Variants in GPATCH2L observed in about 807,000 individuals in gnomAD.
GPATCH2L encodes G patch domain-containing protein 2-like.
In GPATCH2L, 31 loss-of-function variants were observed where a neutral mutation model predicts 57.4. The observed-to-expected ratio is 0.54, with a 90% CI of 0.41 to 0.73. The LOEUF (loss-of-function observed/expected upper bound fraction) is 0.73. Ranked by LOEUF, GPATCH2L falls within the 30% of genes least tolerant of loss-of-function variation. The pLI is 0.00. For synonymous variants in GPATCH2L, 199 were observed against 210.7 expected, an observed-to-expected ratio of 0.94 and a Z score of 0.48; for missense variants, 481 against 599.9, an observed-to-expected ratio of 0.80 and a Z score of 2.07.
intron 2 of GPATCH2L, among the ~76,000 whole-genome samples, chr14:76,156,405 CT>C (rs2038308696): frequency 6.6e-6 from 1 of 152,136 alleles, no homozygotes; most frequent in Non-Finnish European, 1.5e-5. Flanking sequence ...TTCTTATTAA[CT>C]TTATATTTGC....
At chr14:76,195,767 C>G (rs924922161) in intron 8 of GPATCH2L, 111 bp from the exon 9 acceptor site, 1 of 761,322 alleles carries the variant, frequency 1.3e-6, no homozygotes, top group Non-Finnish European at 2.3e-6. Context: ...AAAGATGGTG[C>G]CCATTTTGTT....
chr14:76,157,367 G>A (rs2038358348), intron 2 of GPATCH2L, among the ~76,000 whole-genome samples: 1 of 152,190 alleles, frequency 6.6e-6, no homozygotes. Flanking sequence ...AAAAGGGCTG[G>A]CATTAGAGTG....
intron 1 of GPATCH2L, among the ~76,000 whole-genome samples, chr14:76,220,677 T>C (rs918788640): frequency 2.0e-5 from 3 of 152,172 alleles, no homozygotes; most frequent in Non-Finnish European, 2.9e-5. Context: ...CCAGAATTTA[T>C]CATATGCTGG....
intron 2 of GPATCH2L, among the ~76,000 whole-genome samples, chr14:76,159,559 A>G (rs1262080620): frequency 6.6e-6 from 1 of 151,962 alleles, no homozygotes; most frequent in African/African-American, 2.4e-5. Flanking sequence ...GCTATGCTGG[A>G]CTGAGATAGG....
At chr14:76,226,083 A>G (rs1231105943) in intron 1 of GPATCH2L, among the ~76,000 whole-genome samples, 1 of 152,218 alleles carries the variant, frequency 6.6e-6, no homozygotes, top group Admixed American at 6.5e-5. Flanking sequence ...CACAAACCCA[A>G]TCTACCAGAA....
At chr14:76,178,100 A>G (rs2039412717) in intron 7 of GPATCH2L, 58 bp downstream of exon 7, 1 of 1,387,724 alleles carries the variant, frequency 7.2e-7, no homozygotes, top group African/African-American at 1.4e-5. Context: ...TTCTAAGAGT[A>G]TCCAACACTT....
At chr14:76,152,696 T>C (rs1207881712) in intron 1 of GPATCH2L, 1 of 456,114 alleles carries the variant, frequency 2.2e-6, no homozygotes, top group South Asian at 1.5e-5. Flanking sequence ...CAGGAAAGGA[T>C]TCTGCACAGG....
chr14:76,180,927 A>G lies in GPATCH2L; in HGVS notation c.1193+78A>G, dbSNP rs759537504. On this transcript the variant is annotated intron_variant, in intron 8 of 9. Transcript: ENST00000261530. The stretch of plus-strand genomic sequence containing the variant: ...TCTATTACCCCTCAAATTATAGAGT[A>G]TGCTTGTGTACAGTATCCAATTTGA... The G allele has an allele frequency of 2.2e-4, 196 of 875,328 alleles. 1 individual carries two copies. Among genetic ancestry groups the G allele is most frequent in the Non-Finnish European group, 5.3e-5 (27 of 512,798 alleles). The allele number at this position is 875,328 out of a possible 1,614,324, so 54.2% of individuals were successfully genotyped here. A position where few individuals can be genotyped will look rare whatever the true frequency, so the allele number is the denominator to read the frequency against.
chr14:76,176,551 A>G lies in GPATCH2L; in HGVS notation c.985-72A>G, dbSNP rs544961187. The G allele has an allele frequency of 3.6e-5, 39 of 1,070,376 alleles. No homozygotes were observed. The Admixed American group carries it at 5.3e-4, about 15-fold the overall frequency. 66.3% of individuals were successfully genotyped at this position (1,070,376 alleles called of 1,614,324 possible). A position where few individuals can be genotyped will look rare whatever the true frequency, so the allele number is the denominator to read the frequency against. ...TTGCCTTAGCTGGCACAGTTATGGG[A>G]AAGATTGATATTGTACTTTATATGT... On this transcript the variant is annotated intron_variant, in intron 5 of 9. Transcript: ENST00000261530.
chr14:76,179,070 T>TG (rs1231187040), intron 7 of GPATCH2L: 1 of 151,698 alleles, frequency 6.6e-6, no homozygotes, highest in African/African-American at 2.4e-5. Context: ...TTTGTTTTTT[T>TG]TTTTTAACAA....
rs906879793 is a variant in GPATCH2L at position 76,153,719 on chromosome 14, T to C, written c.-10-635T>C. On this transcript the variant is annotated intron_variant, in intron 1 of 9. Coordinates refer to ENST00000261530, the MANE Select transcript of GPATCH2L (RefSeq NM_017926.4). ...CAGAATGGGCGCAAACTTAGTCTCT[T>C]CTCCATTCTGACTTCAAACCTGGGT... 36 of 152,272 alleles carry C rather than the reference T, an allele frequency of 2.4e-4. 1 individual carries two copies. Among genetic ancestry groups the C allele is most frequent in the African/African-American group, 7.7e-4 (32 of 41,460 alleles). 9.4% of individuals were successfully genotyped at this position (152,272 alleles called of 1,614,324 possible). A position where few individuals can be genotyped will look rare whatever the true frequency, so the allele number is the denominator to read the frequency against.
intron 2 of GPATCH2L, among the ~76,000 whole-genome samples, chr14:76,232,015 AATCTTC>A (rs2040573082): frequency 4.8e-4 from 1 of 2,078 alleles, no homozygotes; most frequent in Non-Finnish European, 1.1e-3. Flanking sequence ...AGGCTCAAGC[AATCTTC>A]CTGCTTCAGC....
intron 2 of GPATCH2L, among the ~76,000 whole-genome samples, chr14:76,235,168 CAA>C (rs34157061): frequency 3.6e-4 from 36 of 98,712 alleles, no homozygotes; most frequent in Non-Finnish European, 3.6e-4. Context: ...AACTCTGTCT[CAA>C]AAAAAAAAAA....
At chr14:76,218,654 AAATT>A (rs1261389262), downstream of GPATCH2L, among the ~76,000 whole-genome samples, 1 of 152,058 alleles carries the variant, frequency 6.6e-6, no homozygotes, top group Non-Finnish European at 1.5e-5. Context: ...AAAATTATAT[AAATT>A]AATTCTAAAG....
rs1016275526 is a variant in GPATCH2L, at chr14:76,165,607, G to T, written c.663-1056G>T. ...GAACTTAAAAAAAAAAAAGAAATAG[G>T]ATTTGTTTGTTGACTATTTCTGTGA... is the stretch of plus-strand genomic sequence containing the variant. On this transcript the variant is annotated intron_variant, in intron 2 of 9. Transcript: ENST00000261530. 2.6e-5 allele frequency among the ~76,000 whole-genome samples: 4 copies of T among 151,910 alleles called. No homozygotes were observed. In the East Asian group the frequency reaches 7.7e-4, roughly 29 times the overall value.
intron 2 of GPATCH2L, among the ~76,000 whole-genome samples, chr14:76,165,675 G>A (rs564366572): frequency 2.0e-5 from 3 of 152,228 alleles, no homozygotes; most frequent in South Asian, 2.1e-4. Flanking sequence ...CTTGAGTGAG[G>A]AAAGCATTGC....
At chr14:76,152,640 T>C in intron 1 of GPATCH2L, 1 of 455,716 alleles carries the variant, frequency 2.2e-6, no homozygotes, top group Non-Finnish European at 4.4e-6. Flanking sequence ...AGATGGGGAG[T>C]TCTAGGGTTC....
At chr14:76,232,542 A>G (rs2040577789) in intron 2 of GPATCH2L, among the ~76,000 whole-genome samples, 1 of 152,180 alleles carries the variant, frequency 6.6e-6, no homozygotes, top group Non-Finnish European at 1.5e-5. Flanking sequence ...TGTGACACCA[A>G]TTGCAAGTCC....
At chr14:76,156,104 G>A (rs1418414525) in intron 2 of GPATCH2L, among the ~76,000 whole-genome samples, 1 of 152,286 alleles carries the variant, frequency 6.6e-6, no homozygotes, top group South Asian at 2.1e-4. Flanking sequence ...GGGAAGTTGA[G>A]GTTATAAGAG....
Sources: allele counts gnomAD v4.1 joint callset (sites outside exome capture counted in the v4.1 genomes callset), GRCh38; gene constraint gnomAD v4.1.1; transcripts MANE v1.5; gene names NCBI Gene and HGNC (gene_info 2026-07-23, HGNC 2026-07-21).